The following TAOK3 variants were observed in gnomAD, a reference collection of about 807,000 sequenced individuals.
TAOK3 encodes the protein serine/threonine-protein kinase TAO3.
In TAOK3, 40 loss-of-function variants were observed where a neutral mutation model predicts 120.4. The ratio of observed to expected loss-of-function variants is 0.33; its 90% CI spans 0.26 to 0.43. TAOK3 has a LOEUF of 0.43. Among genes scored for constraint, TAOK3 ranks in the 20% least tolerant of loss-of-function variants. The pLI is 1.00. For synonymous variants in TAOK3, 355 were observed against 387.5 expected, an observed-to-expected ratio of 0.92 and a Z score of 0.99; for missense variants, 821 against 1,112.1, an observed-to-expected ratio of 0.74 and a Z score of 3.72.
At chr12:118,214,603 G>T (rs1233793813) in intron 9 of TAOK3, among the ~76,000 whole-genome samples, 4 of 149,986 alleles carry the variant, frequency 2.7e-5, no homozygotes, top group African/African-American at 9.8e-5. Flanking sequence ...TTGTGACGGA[G>T]TCTTGCTCTG....
In TAOK3 at chr12:118,199,185, A is replaced by C. The variant is rs1203487039; in HGVS notation, c.1060T>G (p.Ser354Ala). ...LGSNHSIPSM[S>A]VSTGSQSSSV... ...CTGCTCTGGCTGCCTGTGCTCACGG[A>C]CATGCTTGGAATGGAATGGTTGCTG... is the stretch of plus-strand genomic sequence containing the variant. Residue 354 changes from serine (S) to alanine (A), a missense_variant, in exon 13 of 21, where the codon TCC (serine) becomes GCC (alanine). Transcript: ENST00000392533. The C allele has an allele frequency of 3.1e-6, 5 of 1,613,998 alleles. No individual in the cohort carries two copies. The highest frequency in any genetic ancestry group is 4.2e-6 in the Non-Finnish European group (5 of 1,180,018).
intron 14 of TAOK3, among the ~76,000 whole-genome samples, chr12:118,188,565 C>T (rs961300713): frequency 2.0e-5 from 3 of 152,180 alleles, no homozygotes; most frequent in Non-Finnish European, 2.9e-5. Context: ...GCAGCAGGCA[C>T]AGCAATATGT....
intron 1 of TAOK3, among the ~76,000 whole-genome samples, chr12:118,312,598 T>G (rs1421576858): frequency 1.3e-5 from 2 of 152,176 alleles, no homozygotes; most frequent in African/African-American, 4.8e-5. Context: ...TGTTTTATAA[T>G]AGAATTATTC....
chr12:118,166,814 G>GTATATATA (rs535817182), intron 17 of TAOK3, among the ~76,000 whole-genome samples: 2 of 138,982 alleles, frequency 1.4e-5, no homozygotes, highest in African/African-American at 2.7e-5. Context: ...GTGTGTGTGT[G>GTATATATA]TATATATATA....
chr12:118,258,816 A>C (rs1471427248), intron 2 of TAOK3, among the ~76,000 whole-genome samples: 3 of 152,112 alleles, frequency 2.0e-5, no homozygotes, highest in Non-Finnish European at 4.4e-5. Flanking sequence ...CTTTTTGGAG[A>C]CTATACGTAA....
At chr12:118,314,879 A>G (rs2043390456) in intron 1 of TAOK3, among the ~76,000 whole-genome samples, 1 of 151,996 alleles carries the variant, frequency 6.6e-6, no homozygotes, top group Admixed American at 6.6e-5. Context: ...GAAGATGCGC[A>G]TGACTATTGC....
At chr12:118,191,058 A>T (rs1434611517) in intron 13 of TAOK3, among the ~76,000 whole-genome samples, 1 of 152,226 alleles carries the variant, frequency 6.6e-6, no homozygotes, top group Non-Finnish European at 1.5e-5. Flanking sequence ...ATTGCATTTT[A>T]TCCATGACCA....
At chr12:118,266,150 GA>G (rs962583184) in intron 2 of TAOK3, among the ~76,000 whole-genome samples, 20 of 151,784 alleles carry the variant, frequency 1.3e-4, no homozygotes, top group African/African-American at 3.4e-4. Context: ...TAACTGAGAA[GA>G]AAAAAAATTT....
chr12:118,266,880 T>C (rs185308625), intron 1 of TAOK3, 121 bp from the exon 2 acceptor site: 1 of 369,004 alleles, frequency 2.7e-6, no homozygotes, highest in African/African-American at 2.1e-5. Flanking sequence ...TTTATCTTCA[T>C]CTGTTTGTGG....
At position 118,293,507 on chromosome 12, in the gene TAOK3, T is replaced by G. The variant is rs564060299; in HGVS notation, c.-193-26748A>C. ...GCCTGACCAACATTAGAAACCCAGT[T>G]TCTAAAAAAAATAAAAAATTAGCTG... is the stretch of plus-strand genomic sequence containing the variant. On this transcript the variant is annotated intron_variant, in intron 1 of 20. Coordinates refer to ENST00000392533, the MANE Select transcript of TAOK3 (RefSeq NM_016281.4). Among the ~76,000 whole-genome samples, 4 of 150,916 alleles carry G rather than the reference T, an allele frequency of 2.7e-5. No homozygotes were observed. The East Asian group carries it at 7.9e-4, about 30-fold the overall frequency.
chr12:118,277,043 T>C (rs144656363), intron 1 of TAOK3, among the ~76,000 whole-genome samples: 190 of 152,360 alleles, frequency 1.2e-3, no homozygotes, highest in African/African-American at 4.4e-3. Context: ...TTATGGCTTT[T>C]ATACAACTTA....
chr12:118,291,361 A>G (rs572494084), intron 1 of TAOK3, among the ~76,000 whole-genome samples: 1 of 151,292 alleles, frequency 6.6e-6, no homozygotes, highest in Admixed American at 6.6e-5. Context: ...GGGTTTTACC[A>G]TGTTGGCCAG....
Position 118,372,328 on chromosome 12 carries a change from GCCT to G in TAOK3, c.-194+317_-194+319del, listed in dbSNP as rs1278148287. Among the ~76,000 whole-genome samples the G allele has an allele frequency of 1.5e-5, 2 of 130,536 alleles. No individual in the cohort carries two copies. Among genetic ancestry groups the G allele is most frequent in the Non-Finnish European group, 3.3e-5 (2 of 61,536 alleles). The allele number at this position is 130,536 out of a possible 152,430, so 85.6% of individuals were successfully genotyped here. On this transcript the variant is annotated intron_variant, in intron 1 of 20. Coordinates refer to ENST00000392533, the MANE Select transcript of TAOK3 (RefSeq NM_016281.4). This position sits in a 1 kb window ranked among gnomAD's most constrained non-coding sequence, Gnocchi z 4.6. ...CCTCCCCTCATCCCCCTATCCTAGT[GCCT>G]CATGAGGCACCCACCCCTCACCCCA...
At chr12:118,234,395 C>CCACCATG (rs2039931878) in intron 8 of TAOK3, among the ~76,000 whole-genome samples, 1 of 151,030 alleles carries the variant, frequency 6.6e-6, no homozygotes, top group African/African-American at 2.4e-5. Flanking sequence ...CAGGCGCCTG[C>CCACCATG]CACCATGCCT....
In TAOK3 at chr12:118,286,517, G is replaced by A. The variant is rs1283487038; in HGVS notation, c.-193-19758C>T. 5.3e-5 allele frequency among the ~76,000 whole-genome samples: 8 copies of A among 150,664 alleles called. No individual in the cohort carries two copies. The East Asian group carries it at 1.2e-3, about 22-fold the overall frequency. On this transcript the variant is annotated intron_variant, in intron 1 of 20. Coordinates refer to ENST00000392533, the MANE Select transcript of TAOK3 (RefSeq NM_016281.4). ...TCAGGGAAAAGCAAATCAAAACCAC[G>A]ACACGATTATCACCCTACTCCTGCA...
At chr12:118,207,817 G>A (rs555450110) in intron 11 of TAOK3, among the ~76,000 whole-genome samples, 206 of 151,362 alleles carry the variant, frequency 1.4e-3, no homozygotes, top group Middle Eastern at 3.4e-3. Context: ...ACGAGATCGC[G>A]CCACTGCACT....
intron 16 of TAOK3, among the ~76,000 whole-genome samples, chr12:118,176,855 C>T (rs974247333): frequency 1.3e-4 from 20 of 151,954 alleles, no homozygotes; most frequent in African/African-American, 4.8e-4. Flanking sequence ...CAACCTCTGC[C>T]TCTTGGGTTC....
intron 8 of TAOK3, among the ~76,000 whole-genome samples, chr12:118,235,295 G>A (rs1196632446): frequency 6.6e-6 from 1 of 152,148 alleles, no homozygotes; most frequent in African/African-American, 2.4e-5. Flanking sequence ...TCGAAAACCT[G>A]AACTTGGTCA....
intron 5 of TAOK3, among the ~76,000 whole-genome samples, chr12:118,242,785 A>T (rs1466370502): frequency 6.6e-6 from 1 of 151,996 alleles, no homozygotes; most frequent in Non-Finnish European, 1.5e-5. Flanking sequence ...ACTTGAACCC[A>T]GGAGGCAGAG....
Sources: allele counts gnomAD v4.1 joint callset (sites outside exome capture counted in the v4.1 genomes callset), GRCh38; gene constraint gnomAD v4.1.1; non-coding constraint Gnocchi (gnomAD v3.1); transcripts MANE v1.5; gene names NCBI Gene and HGNC (gene_info 2026-07-23, HGNC 2026-07-21).